Variants in RIMBP2 observed in about 807,000 individuals in gnomAD.
RIMBP2 encodes the protein RIMS binding protein 2.
RIMBP2 carries 48 observed loss-of-function variants against 118.6 expected under a neutral mutation model. The ratio of observed to expected loss-of-function variants is 0.40; its 90% CI spans 0.32 to 0.51. The LOEUF (loss-of-function observed/expected upper bound fraction) is 0.51. Among genes scored for constraint, RIMBP2 ranks in the 20% least tolerant of loss-of-function variants. The pLI, the probability that RIMBP2 is intolerant of heterozygous loss-of-function variation, is 0.41. For synonymous variants in RIMBP2, 762 were observed against 742.9 expected, an observed-to-expected ratio of 1.03 and a Z score of -0.42; for missense variants, 1,551 against 1,768.3, an observed-to-expected ratio of 0.88 and a Z score of 2.20.
At chr12:130,459,735 T>A (rs2079806055) in intron 6 of RIMBP2, among the ~76,000 whole-genome samples, 1 of 151,700 alleles carries the variant, frequency 6.6e-6, no homozygotes, top group Non-Finnish European at 1.5e-5. Context: ...CAGGGCAGGC[T>A]GTCTGCTCTC....
At chr12:130,680,102 T>C (rs1398267754) in intron 1 of RIMBP2, among the ~76,000 whole-genome samples, 1 of 152,252 alleles carries the variant, frequency 6.6e-6, no homozygotes, top group Non-Finnish European at 1.5e-5. Flanking sequence ...AGTGAGACCA[T>C]GCAGGCAATA....
Position 130,703,243 on chromosome 12 carries a change from T to G in RIMBP2, c.-352+12979A>C, listed in dbSNP as rs2065944310. ...CTGGTTGACAGATGACGCCTGGTGT[T>G]GGCCTTGTGCACCCCGATTAACCTC... On this transcript the variant is annotated intron_variant, in intron 1 of 22. Transcript: ENST00000690449. This position sits in a 1 kb window ranked among gnomAD's most constrained non-coding sequence, Gnocchi z 5.7. 6.6e-6 allele frequency among the ~76,000 whole-genome samples: 1 copy of G among 152,108 alleles called. No individual in the cohort carries two copies. Among genetic ancestry groups the G allele is most frequent in the African/African-American group, 2.4e-5 (1 of 41,430 alleles).
chr12:130,646,611 G>GAC (rs1462505517), intron 1 of RIMBP2, among the ~76,000 whole-genome samples: 2 of 152,048 alleles, frequency 1.3e-5, no homozygotes, highest in Non-Finnish European at 2.9e-5. Flanking sequence ...CAAGAAGAAT[G>GAC]ACAACCAATC....
chr12:130,596,368 T>C (rs933182921), intron 2 of RIMBP2, among the ~76,000 whole-genome samples: 2 of 152,090 alleles, frequency 1.3e-5, no homozygotes, highest in Admixed American at 6.5e-5. Context: ...AAAGGGGCAC[T>C]ATGACCCACC....
At chr12:130,660,123 G>C (rs1216769701) in intron 1 of RIMBP2, 1 of 151,760 alleles carries the variant, frequency 6.6e-6, no homozygotes, top group Non-Finnish European at 1.5e-5. Flanking sequence ...ACCTGCCTCA[G>C]CCTTCCAAAG....
rs1396853443 is a variant in RIMBP2, at chr12:130,581,491, T to C, written c.-217+46831A>G. Among the ~76,000 whole-genome samples, 1 of 152,184 alleles carries C rather than the reference T, an allele frequency of 6.6e-6. No individual in the cohort carries two copies. The highest frequency in any genetic ancestry group is 1.5e-5 in the Non-Finnish European group (1 of 68,042). On this transcript the variant is annotated intron_variant, in intron 2 of 22. Transcript: ENST00000690449. This position sits in a 1 kb window ranked among gnomAD's most constrained non-coding sequence, Gnocchi z 4.4. ...TGTCCCAGTGGAGGTCTCAGAGGCA[T>C]CATAAGAGCATCCAGAATGAAGCCG...
intron 1 of RIMBP2, among the ~76,000 whole-genome samples, chr12:130,649,434 C>A (rs1340053750): frequency 6.6e-6 from 1 of 152,204 alleles, no homozygotes; most frequent in Non-Finnish European, 1.5e-5. Flanking sequence ...GCGGCGCCTT[C>A]CCCCGACTCA....
At chr12:130,555,620 AAATCT>A (rs757614977) in intron 2 of RIMBP2, among the ~76,000 whole-genome samples, 1 of 152,200 alleles carries the variant, frequency 6.6e-6, no homozygotes, top group Non-Finnish European at 1.5e-5. Flanking sequence ...GAATGTCTTA[AAATCT>A]AATAAAAGAT....
chr12:130,397,811 G>T (rs1237457333), intron 22 of RIMBP2: 2 of 286,472 alleles, frequency 7.0e-6, no homozygotes, highest in African/African-American at 4.3e-5. Flanking sequence ...GCTAAGGCAG[G>T]TAATAATTCA....
In RIMBP2 at chr12:130,700,059, C is replaced by T. The variant is rs114081019; in HGVS notation, c.-352+16163G>A. Among the ~76,000 whole-genome samples the T allele has an allele frequency of 9.6e-3, 1,460 of 152,094 alleles. 23 individuals carry two copies. Among genetic ancestry groups the T allele is most frequent in the African/African-American group, 0.033 (1,385 of 41,480 alleles). The stretch of plus-strand genomic sequence containing the variant: ...GGGTGGCTCTCAGCCCACAGATGCC[C>T]ATCTGCTACCCCTAAGGGGCAGCCA... On this transcript the variant is annotated intron_variant, in intron 1 of 22. Coordinates refer to ENST00000690449, the MANE Select transcript of RIMBP2 (RefSeq NM_001393629.1).
chr12:130,555,101 T>G (rs991129108), intron 2 of RIMBP2, among the ~76,000 whole-genome samples: 10 of 152,250 alleles, frequency 6.6e-5, no homozygotes, highest in African/African-American at 2.4e-4. Context: ...CAAGACAAGT[T>G]AAAAGACTCA....
intron 4 of RIMBP2, among the ~76,000 whole-genome samples, chr12:130,505,211 G>A (rs1014403899): frequency 3.3e-5 from 5 of 152,124 alleles, no homozygotes; most frequent in East Asian, 3.9e-4. Flanking sequence ...GCTGAGAACC[G>A]CAGGACCAGC....
In RIMBP2 at chr12:130,478,998, C is replaced by T; in HGVS notation, c.16G>A (p.Glu6Lys). The change falls in exon 5 of 23, where the codon GAA (glutamate) becomes AAA (lysine). Residue 6 changes from glutamate (E) to lysine (K), a missense_variant. By Grantham distance (56) the Glu-to-Lys change is moderately conservative. Around this residue, in one of 5 missense-constraint regions of RIMBP2, gnomAD observed 239 missense variants for 256.8 expected, o/e 0.93. Transcript: ENST00000690449. ...TCCAACTGCAGCTGCTGCCGCCGTT[C>T]AGCCGCCTCTCGCATATGCTGTGGG... is the stretch of plus-strand genomic sequence containing the variant. MREAA[E>K]RRQQLQLEHD... The T allele has an allele frequency of 6.2e-7, 1 of 1,613,828 alleles. No individual in the cohort carries two copies. The highest frequency in any genetic ancestry group is 1.1e-5 in the South Asian group (1 of 91,036).
intron 4 of RIMBP2, among the ~76,000 whole-genome samples, chr12:130,494,249 AG>A (rs1162310369): frequency 6.6e-6 from 1 of 152,078 alleles, no homozygotes; most frequent in Non-Finnish European, 1.5e-5. Context: ...AGCAAGCATC[AG>A]GCCTAGAAGT....
chr12:130,531,877 G>A (rs1168132040), intron 2 of RIMBP2, among the ~76,000 whole-genome samples: 5 of 151,060 alleles, frequency 3.3e-5, no homozygotes, highest in Admixed American at 6.6e-5. Flanking sequence ...TAGGAGTTAC[G>A]TCTAATGAGA....
At chr12:130,604,908 G>A (rs2140480675) in intron 2 of RIMBP2, among the ~76,000 whole-genome samples, 1 of 151,590 alleles carries the variant, frequency 6.6e-6, no homozygotes, top group Admixed American at 6.6e-5. Context: ...TATACTGCAT[G>A]TTACTGTGCC....
Position 130,397,408 on chromosome 12 carries a change from G to A in RIMBP2, c.4042C>T (p.Leu1348Phe). ...EMSSKKKKGL[L>F]SKGKKLLKKL... ...TTCAGCAGTTTCTTGCCTTTGGAAAGCAGCCCCTTTTTCTTTTTCGAGGAC... is the reference window on the plus strand; with the variant it reads ...TTCAGCAGTTTCTTGCCTTTGGAAAACAGCCCCTTTTTCTTTTTCGAGGAC... The change falls in exon 23 of 23, where the codon CTT becomes TTT. Residue 1348 changes from leucine to phenylalanine, a missense_variant. Leu to Phe is a conservative substitution (Grantham distance 22). Coordinates refer to ENST00000690449, the MANE Select transcript of RIMBP2 (RefSeq NM_001393629.1). 2.5e-6 allele frequency: 1 copy of A among 399,072 alleles called. No homozygotes were observed. Among genetic ancestry groups the A allele is most frequent in the Non-Finnish European group, 4.4e-6 (1 of 226,100 alleles). The allele number at this position is 399,072 out of a possible 1,614,324, so 24.7% of individuals were successfully genotyped here. A position where few individuals can be genotyped will look rare whatever the true frequency, so the allele number is the denominator to read the frequency against.
At chr12:130,619,636 G>C (rs1205221521) in intron 2 of RIMBP2, among the ~76,000 whole-genome samples, 1 of 152,142 alleles carries the variant, frequency 6.6e-6, no homozygotes, top group Non-Finnish European at 1.5e-5. Flanking sequence ...GATCAGTGTG[G>C]ATCTCTAATC....
chr12:130,477,015 C>G (rs1566107517), intron 5 of RIMBP2, among the ~76,000 whole-genome samples: 1 of 152,216 alleles, frequency 6.6e-6, no homozygotes, highest in Non-Finnish European at 1.5e-5. Context: ...AGTCAGACTT[C>G]CTCTTCTCAT....
Sources: allele counts gnomAD v4.1 joint callset (sites outside exome capture counted in the v4.1 genomes callset), GRCh38; gene constraint gnomAD v4.1.1; regional missense constraint gnomAD v4.1.1; non-coding constraint Gnocchi (gnomAD v3.1); transcripts MANE v1.5; gene names NCBI Gene and HGNC (gene_info 2026-07-23, HGNC 2026-07-21).